Variants in MLLT1 observed in about 807,000 individuals in gnomAD.
The protein encoded by MLLT1 is MLLT1 super elongation complex subunit.
MLLT1 carries 11 observed loss-of-function variants against 55.1 expected under a neutral mutation model. The ratio of observed to expected loss-of-function variants is 0.20; its 90% CI spans 0.13 to 0.33. The LOEUF (loss-of-function observed/expected upper bound fraction) is 0.33. MLLT1 is among the 10% of genes least tolerant of loss of function. The probability of loss-of-function intolerance (pLI) is 1.00; values close to 1 mark genes in which losing one functional copy is unlikely to be tolerated. For missense variants in MLLT1, 536 were observed against 760.6 expected, an observed-to-expected ratio of 0.70 and a Z score of 3.47; for synonymous variants, 323 against 320.1, an observed-to-expected ratio of 1.01 and a Z score of -0.10.
Position 6,216,422 on chromosome 19 carries a change from G to C in MLLT1, c.1290C>G (p.Asn430Lys), listed in dbSNP as rs746434600. Reference sequence around the variant, plus strand: ...GCCGTCACCTGGAGTCCCTCCCCGGGTTGGTCTTGCCGGCAGCCTCCTCGC... The same window carrying C: ...GCCGTCACCTGGAGTCCCTCCCCGGCTTGGTCTTGCCGGCAGCCTCCTCGC... ...SSGEEAAGKT[N>K]PGRDSRLSFS... The change falls in exon 8 of 12, where the codon AAC (asparagine) becomes AAG (lysine). Residue 430 changes from asparagine to lysine, a missense_variant. Physicochemically the swap from Asn to Lys is moderately conservative, Grantham distance 94. Transcript: ENST00000252674. 12 of 1,607,680 alleles carry C rather than the reference G, an allele frequency of 7.5e-6. No individual in the cohort carries two copies. The highest frequency in any genetic ancestry group is 7.6e-6 in the Non-Finnish European group (9 of 1,178,054).
chr19:6,211,520 T>C lies in MLLT1; in HGVS notation c.*1522A>G, dbSNP rs2090771205. The C allele has an allele frequency of 1.7e-5, 14 of 819,174 alleles. No individual in the cohort carries two copies. In the South Asian group the frequency reaches 7.6e-4, roughly 45 times the overall value. The allele number at this position is 819,174 out of a possible 1,614,324, so 50.7% of individuals were successfully genotyped here. The stretch of plus-strand genomic sequence containing the variant: ...ATGAGGGACCTCAGGGAGGGACAGA[T>C]GGAGCCCCCCAAGTCTGAACTCATA... On this transcript the variant is annotated 3_prime_UTR_variant, in exon 12 of 12. Transcript: ENST00000252674. This position sits in a 1 kb window ranked among gnomAD's most constrained non-coding sequence, Gnocchi z 4.6.
chr19:6,213,919 C>T lies in MLLT1; in HGVS notation c.1407+20G>A, dbSNP rs2233194. On this transcript the variant is annotated intron_variant, in intron 9 of 11. Transcript: ENST00000252674. ...AGCCCGGCCTCTGGTGCACCCCCTGCCTGCAGGCCCCAGGCTCACCTTGCT... is the reference window on the plus strand; with the variant it reads ...AGCCCGGCCTCTGGTGCACCCCCTGTCTGCAGGCCCCAGGCTCACCTTGCT... 5.6e-4 allele frequency: 827 copies of T among 1,467,482 alleles called. 3 individuals are homozygous for T. In the African/African-American group the frequency reaches 0.01, roughly 18 times the overall value. 90.9% of individuals were successfully genotyped at this position (1,467,482 alleles called of 1,614,324 possible). A position where few individuals can be genotyped will look rare whatever the true frequency, so the allele number is the denominator to read the frequency against.
Position 6,262,552 on chromosome 19 carries a change from A to T in MLLT1, c.194-242T>A, listed in dbSNP as rs2091314522. 6.6e-6 allele frequency among the ~76,000 whole-genome samples: 1 copy of T among 152,232 alleles called. No individual in the cohort carries two copies. The highest frequency in any genetic ancestry group is 2.4e-5 in the African/African-American group (1 of 41,462). The stretch of plus-strand genomic sequence containing the variant: ...AGACTTGGCCACCGGCATGGTCAGC[A>T]GAGAGTGAGAAGGAACGTTAGCCTG... On this transcript the variant is annotated intron_variant, in intron 2 of 11. Transcript: ENST00000252674. The surrounding 1 kb of genome is among the most constrained non-coding windows in gnomAD (Gnocchi z 4.4).
chr19:6,238,231 A>G (rs1040133813), intron 3 of MLLT1, among the ~76,000 whole-genome samples: 1 of 152,248 alleles, frequency 6.6e-6, no homozygotes, highest in African/African-American at 2.4e-5. Flanking sequence ...TGCAGGCTCT[A>G]GAGAGCTGAC....
chr19:6,211,485 CAGGGACAAGATG>C lies in MLLT1; in HGVS notation c.*1545_*1556del. ...TCAGGATCTGCTGACAGAATCAGAG[CAGGGACAAGATG>C]AGGGACCTCAGGGAGGGACAGATGG... On this transcript the variant is annotated 3_prime_UTR_variant, in exon 12 of 12. Transcript: ENST00000252674. This position sits in a 1 kb window ranked among gnomAD's most constrained non-coding sequence, Gnocchi z 4.6. 2.1e-6 allele frequency: 1 copy of C among 482,562 alleles called. No homozygotes were observed. Among genetic ancestry groups the C allele is most frequent in the Non-Finnish European group, 2.9e-6 (1 of 346,448 alleles). 29.9% of individuals were successfully genotyped at this position (482,562 alleles called of 1,614,324 possible). A position where few individuals can be genotyped will look rare whatever the true frequency, so the allele number is the denominator to read the frequency against.
chr19:6,238,841 C>T (rs993218212), intron 3 of MLLT1, among the ~76,000 whole-genome samples: 2 of 152,222 alleles, frequency 1.3e-5, no homozygotes, highest in Admixed American at 1.3e-4. Context: ...ACGCCTCCTC[C>T]GCCAGGGCCT....
chr19:6,222,592 G>A lies in MLLT1; in HGVS notation c.639C>T (p.Ser213=). ...ERPRKDSESK[S]SSKELEREQA... ...GCTCACGCTCCAGCTCCTTGGAGGA[G>A]CTCTTGCTCTCGGAGTCTTTGCGGG... is the stretch of plus-strand genomic sequence containing the variant. The change falls in exon 6 of 12, where the codon AGC becomes AGT. Residue 213 remains serine (S), a synonymous_variant. Coordinates refer to ENST00000252674, the MANE Select transcript of MLLT1 (RefSeq NM_005934.4). This position sits in a 1 kb window ranked among gnomAD's most constrained non-coding sequence, Gnocchi z 4.1. 6.3e-7 allele frequency: 1 copy of A among 1,599,382 alleles called. No individual in the cohort carries two copies. Among genetic ancestry groups the A allele is most frequent in the Non-Finnish European group, 8.5e-7 (1 of 1,178,656 alleles).
At chr19:6,225,303 A>G (rs2090944944) in intron 5 of MLLT1, among the ~76,000 whole-genome samples, 1 of 152,192 alleles carries the variant, frequency 6.6e-6, no homozygotes, top group Non-Finnish European at 1.5e-5. Context: ...TCTGATGGGC[A>G]AGGCCCCAAA....
intron 3 of MLLT1, among the ~76,000 whole-genome samples, chr19:6,254,786 A>G (rs567999214): frequency 1.3e-5 from 2 of 152,358 alleles, no homozygotes; most frequent in East Asian, 3.9e-4. Flanking sequence ...TCTTCCCCTG[A>G]GATCAGGAAC....
At chr19:6,216,670 A>G in intron 7 of MLLT1, 157 bp from the exon 8 acceptor site, 1 of 584,894 alleles carries the variant, frequency 1.7e-6, no homozygotes, top group East Asian at 3.0e-5. Context: ...CATCTCTAAG[A>G]ACTGCCCCCA....
chr19:6,230,770 C>T lies in MLLT1; in HGVS notation c.277-57G>A, dbSNP rs1469453697. The T allele has an allele frequency of 6.2e-7, 1 of 1,600,530 alleles. No homozygotes were observed. Among genetic ancestry groups the T allele is most frequent in the Non-Finnish European group, 8.5e-7 (1 of 1,171,620 alleles). On this transcript the variant is annotated intron_variant, in intron 3 of 11. Transcript: ENST00000252674. The surrounding 1 kb of genome is among the most constrained non-coding windows in gnomAD (Gnocchi z 9.0). ...AGAGGGTGGCCGTGGTGCAGGGACA[C>T]AGCTCCCCATTGGCCCTGGTCCTCC... is the stretch of plus-strand genomic sequence containing the variant.
At position 6,245,477 on chromosome 19, in the gene MLLT1, G is replaced by A. The variant is rs532931955; in HGVS notation, c.277-14764C>T. On this transcript the variant is annotated intron_variant, in intron 3 of 11. Transcript: ENST00000252674. ...TGTAAACTCAGCACTTTGGGAGGCC[G>A]AGGTGGGCGGATCACGAGGTCAGGA... Among the ~76,000 whole-genome samples, 403 of 152,014 alleles carry A rather than the reference G, an allele frequency of 2.7e-3. 1 individual carries two copies. Among genetic ancestry groups the A allele is most frequent in the African/African-American group, 9.2e-3 (382 of 41,548 alleles).
At position 6,215,260 on chromosome 19, in the gene MLLT1, C is replaced by T. The variant is rs1352409744; in HGVS notation, c.1307+1145G>A. 2.6e-5 allele frequency among the ~76,000 whole-genome samples: 4 copies of T among 152,250 alleles called. No individual in the cohort carries two copies. In the East Asian group the frequency reaches 5.8e-4, roughly 22 times the overall value. On this transcript the variant is annotated intron_variant, in intron 8 of 11. Transcript: ENST00000252674. ...AGGCGCTTCGCGTGTGGCTCGGTCC[C>T]TGTGCCGTGCCTGCCAGCCCCTCTA...
At position 6,230,084 on chromosome 19, in the gene MLLT1, C is replaced by A. The variant is rs909524235; in HGVS notation, c.420+486G>T. Among the ~76,000 whole-genome samples the A allele has an allele frequency of 1.3e-5, 2 of 152,170 alleles. No homozygotes were observed. Among genetic ancestry groups the A allele is most frequent in the Non-Finnish European group, 2.9e-5 (2 of 68,032 alleles). On this transcript the variant is annotated intron_variant, in intron 4 of 11. Coordinates refer to ENST00000252674, the MANE Select transcript of MLLT1 (RefSeq NM_005934.4). This position sits in a 1 kb window ranked among gnomAD's most constrained non-coding sequence, Gnocchi z 9.0. ...GCCCTCGTGGGGAACTCTGAGCCCC[C>A]ACAGGGTCCGGAGGGCTCGACTCCA...
At chr19:6,278,065 G>A in intron 1 of MLLT1, among the ~76,000 whole-genome samples, 1 of 152,140 alleles carries the variant, frequency 6.6e-6, no homozygotes, top group Non-Finnish European at 1.5e-5. Context: ...ATGGGCAGGA[G>A]GGAGGATTCT....
chr19:6,255,855 G>A (rs933105473), intron 3 of MLLT1, among the ~76,000 whole-genome samples: 6 of 152,306 alleles, frequency 3.9e-5, no homozygotes, highest in Admixed American at 3.9e-4. Flanking sequence ...GGCTGGGCGC[G>A]CTGACTCACA....
At chr19:6,216,273 T>C (rs972488121) in intron 8 of MLLT1, 132 bp downstream of exon 8, 2 of 670,608 alleles carry the variant, frequency 3.0e-6, no homozygotes, top group African/African-American at 3.6e-5. Context: ...CACCTGGGGA[T>C]GGATCCCTGC....
rs535009933 is a variant in MLLT1 at position 6,241,796 on chromosome 19, G to A, written c.277-11083C>T. The stretch of plus-strand genomic sequence containing the variant: ...AGACAGACTGCGCCACAGCTGGCAC[G>A]CATCCATGCGGCTTGTCACAACGCG... On this transcript the variant is annotated intron_variant, in intron 3 of 11. Transcript: ENST00000252674. Among the ~76,000 whole-genome samples the A allele has an allele frequency of 6.2e-4, 95 of 152,354 alleles. 1 individual carries two copies. Among genetic ancestry groups the A allele is most frequent in the Admixed American group, 6.1e-3 (94 of 15,310 alleles).
chr19:6,267,953 G>C (rs934907675), intron 2 of MLLT1, among the ~76,000 whole-genome samples: 4 of 152,154 alleles, frequency 2.6e-5, no homozygotes, highest in Admixed American at 2.6e-4. Context: ...AGCACCTACT[G>C]TATCCCTGCA....
Sources: allele counts gnomAD v4.1 joint callset (sites outside exome capture counted in the v4.1 genomes callset), GRCh38; gene constraint gnomAD v4.1.1; non-coding constraint Gnocchi (gnomAD v3.1); transcripts MANE v1.5; gene names NCBI Gene and HGNC (gene_info 2026-07-23, HGNC 2026-07-21).